CCDC171: variants seen among roughly 807,000 people sequenced by gnomAD.
CCDC171 encodes the protein coiled-coil domain-containing protein 171.
Under a neutral mutation model 168.2 loss-of-function variants are expected in CCDC171, and 177 were observed. That is an observed-to-expected ratio of 1.05 (90% CI 0.93 to 1.19). The LOEUF (loss-of-function observed/expected upper bound fraction) is 1.19, where lower values mean the gene tolerates loss of function less well. CCDC171 is among the 50% of genes most tolerant of loss of function. CCDC171 has a pLI of 0.00. For missense variants in CCDC171, 1,991 were observed against 1,539.0 expected (o/e 1.29, Z -4.91); for synonymous variants, 687 against 540.8 (o/e 1.27, Z -3.75).
chr9:15,766,787 C>T (rs113675595), intron 18 of CCDC171, among the ~76,000 whole-genome samples: 1 of 152,126 alleles, frequency 6.6e-6, no homozygotes, highest in South Asian at 2.1e-4. Context: ...TCCTGAGTAT[C>T]TAGGACTACA....
rs1472548567 is a variant in CCDC171, at chr9:15,845,550, T to A, written c.3268-1152T>A. 2.6e-5 allele frequency: 4 copies of A among 152,148 alleles called. No homozygotes were observed. In the East Asian group the frequency reaches 5.8e-4, roughly 22 times the overall value. The allele number at this position is 152,148 out of a possible 1,614,324, so 9.4% of individuals were successfully genotyped here. A position where few individuals can be genotyped will look rare whatever the true frequency, so the allele number is the denominator to read the frequency against. ...TAAGTTTTTTATACTATTCTTTTTT[T>A]TATACTACCCATTGTGAATGCACTA... On this transcript the variant is annotated intron_variant, in intron 21 of 25. Transcript: ENST00000380701.
intron 23 of CCDC171, among the ~76,000 whole-genome samples, chr9:15,866,952 C>G (rs1009901769): frequency 5.9e-5 from 9 of 152,074 alleles, no homozygotes; most frequent in South Asian, 2.1e-4. Context: ...TAAGCCATCT[C>G]TAGATTCTAA....
At chr9:16,001,673 G>A (rs1044113943) in intron 3 of CCDC171, among the ~76,000 whole-genome samples, 2 of 152,060 alleles carry the variant, frequency 1.3e-5, no homozygotes, top group Non-Finnish European at 2.9e-5. Flanking sequence ...GAGTGACATT[G>A]TAGCTGTAAT....
chr9:15,678,408 G>T (rs1469346292), intron 9 of CCDC171, among the ~76,000 whole-genome samples: 1 of 151,936 alleles, frequency 6.6e-6, no homozygotes, highest in African/African-American at 2.4e-5. Context: ...AAGTTGTTTG[G>T]TACTACTGTT....
rs1483507377 is a variant in CCDC171, at chr9:15,623,708, G to GAGT, written c.822+297_822+299dup. ...CTCATGGAATATTTGGGAAGTTTGA[G>GAGT]AGTAATTGTTTACATTATTAGGTTG... On this transcript the variant is annotated intron_variant, in intron 7 of 25. Coordinates refer to ENST00000380701, the MANE Select transcript of CCDC171 (RefSeq NM_173550.4). Among the ~76,000 whole-genome samples, 9 of 152,260 alleles carry GAGT rather than the reference G, an allele frequency of 5.9e-5. No homozygotes were observed. The East Asian group carries it at 1.7e-3, about 29-fold the overall frequency.
rs1349356055 is a variant in CCDC171 at position 15,818,050 on chromosome 9, C to G, written c.3268-28652C>G. On this transcript the variant is annotated intron_variant, in intron 21 of 25. Coordinates refer to ENST00000380701, the MANE Select transcript of CCDC171 (RefSeq NM_173550.4). ...TTGCGGTTCACTAACATCTGCTGTT[C>G]TGCAGCCACCACTGCTGATACCCAG... Among the ~76,000 whole-genome samples the G allele has an allele frequency of 4.3e-5, 5 of 117,510 alleles. 2 individuals are homozygous for G. The highest frequency in any genetic ancestry group is 3.2e-4 in the Admixed American group (4 of 12,486). The allele number at this position is 117,510 out of a possible 152,430, so 77.1% of individuals were successfully genotyped here.
rs1278002085 is a variant in CCDC171, at chr9:15,985,584, T to A, written n.369-35005T>A. ...AAGACCTAGAGAGATTAAGTGACTTTCCCAAATTAGGCAGCAATGGAATGG... is the reference window on the plus strand; with the variant it reads ...AAGACCTAGAGAGATTAAGTGACTTACCCAAATTAGGCAGCAATGGAATGG... On this transcript the variant is annotated intron_variant and non_coding_transcript_variant, in intron 3 of 9. Coordinates refer to the CCDC171 transcript ENST00000486641. 2.0e-5 allele frequency among the ~76,000 whole-genome samples: 3 copies of A among 152,216 alleles called. No individual in the cohort carries two copies. The East Asian group carries it at 5.8e-4, about 29-fold the overall frequency.
intron 1 of CCDC171, among the ~76,000 whole-genome samples, chr9:16,046,558 C>T (rs1586858447): frequency 1.3e-5 from 2 of 152,186 alleles, no homozygotes; most frequent in East Asian, 3.9e-4. Context: ...ACCCAAATCT[C>T]ATCTTGAATT....
intron 18 of CCDC171, among the ~76,000 whole-genome samples, chr9:15,759,074 T>C (rs2056301034): frequency 6.6e-6 from 1 of 152,180 alleles, no homozygotes; most frequent in South Asian, 2.1e-4. Context: ...ACTGTTAACA[T>C]TTGAATATGT....
intron 18 of CCDC171, among the ~76,000 whole-genome samples, chr9:15,756,343 GCT>G (rs2056115198): frequency 1.3e-5 from 2 of 152,148 alleles, no homozygotes; most frequent in South Asian, 4.2e-4. Flanking sequence ...TTTTCTATCA[GCT>G]CACACAAGAA....
chr9:16,070,766 C>T, the CCDC171 span, among the ~76,000 whole-genome samples: 137 of 152,330 alleles, frequency 9.0e-4, 3 homozygotes, highest in South Asian at 0.027. Context: ...CCTCCACCCT[C>T]GGCTTCTTAA....
chr9:15,717,179 G>T (rs2053146682), intron 11 of CCDC171, among the ~76,000 whole-genome samples: 1 of 152,176 alleles, frequency 6.6e-6, no homozygotes, highest in African/African-American at 2.4e-5. Flanking sequence ...TGCACTTGGG[G>T]AAGGGAGAGC....
intron 7 of CCDC171, among the ~76,000 whole-genome samples, chr9:15,650,107 G>A (rs1214139920): frequency 6.6e-6 from 1 of 152,194 alleles, no homozygotes; most frequent in African/African-American, 2.4e-5. Flanking sequence ...TAGGGACATG[G>A]ATGAAGCTGG....
intron 3 of CCDC171, among the ~76,000 whole-genome samples, chr9:15,988,502 A>G (rs2382544): frequency 0.49 from 75,099 of 151,866 alleles, 19,948 homozygotes; most frequent in African/African-American, 0.7. Flanking sequence ...CTTGAGTGAC[A>G]CAGAAGACGG....
chr9:15,758,366 C>T (rs996438108), intron 18 of CCDC171, among the ~76,000 whole-genome samples: 1 of 152,094 alleles, frequency 6.6e-6, no homozygotes, highest in Non-Finnish European at 1.5e-5. Context: ...GGCCTGTAGC[C>T]CCTTTGTTTT....
At chr9:15,915,865 A>G (rs571470981) in intron 24 of CCDC171, among the ~76,000 whole-genome samples, 3 of 152,222 alleles carry the variant, frequency 2.0e-5, no homozygotes, top group African/African-American at 7.2e-5. Flanking sequence ...ATCTATTGAG[A>G]TGATCTTATG....
At chr9:16,074,228 A>G in the CCDC171 span, among the ~76,000 whole-genome samples, 1 of 152,118 alleles carries the variant, frequency 6.6e-6, no homozygotes, top group Non-Finnish European at 1.5e-5. Flanking sequence ...ATCTACTACC[A>G]TCCAATTAAG....
At chr9:15,789,974 G>C (rs1256112653) in intron 21 of CCDC171, among the ~76,000 whole-genome samples, 1 of 152,034 alleles carries the variant, frequency 6.6e-6, no homozygotes, top group East Asian at 1.9e-4. Flanking sequence ...GTGTATATGT[G>C]CCACCTTTTC....
rs1394387594 is a variant in CCDC171, at chr9:15,724,900, A to G, written c.1616A>G (p.Glu539Gly). 4.3e-6 allele frequency: 7 copies of G among 1,613,868 alleles called. No homozygotes were observed. The highest frequency in any genetic ancestry group is 5.9e-6 in the Non-Finnish European group (7 of 1,179,916). Residue 539 changes from glutamate to glycine, a missense_variant, in exon 14 of 26, where the codon GAG (glutamate) becomes GGG (glycine). By Grantham distance (98) the Glu-to-Gly change is moderately conservative (BLOSUM62 -2). Transcript: ENST00000380701. ...CTACAAAATGTGCTGCACTGTTGGG[A>G]GAAAGAAAAGGCTCAGGCAGCCCAG... ...VELQNVLHCW[E>G]KEKAQAAQSE... is the part of the protein sequence containing the mutation.
Sources: allele counts gnomAD v4.1 joint callset (sites outside exome capture counted in the v4.1 genomes callset), GRCh38; gene constraint gnomAD v4.1.1; transcripts MANE v1.5; gene names NCBI Gene and HGNC (gene_info 2026-07-23, HGNC 2026-07-21).